GFOD1: variants seen among roughly 807,000 people sequenced by gnomAD.
GFOD1 encodes the protein glucose-fructose oxidoreductase domain-containing protein 1.
Under a neutral mutation model 25.4 loss-of-function variants are expected in GFOD1, and 9 were observed. That is an observed-to-expected ratio of 0.35 (90% CI 0.21 to 0.62). GFOD1 has a LOEUF of 0.62. Among genes scored for constraint, GFOD1 ranks in the 20% least tolerant of loss-of-function variants. The pLI, the probability that GFOD1 is intolerant of heterozygous loss-of-function variation, is 0.72. For missense variants in GFOD1, 403 were observed against 556.9 expected (o/e 0.72, Z 2.78); for synonymous variants, 253 against 245.6 (o/e 1.03, Z -0.28).
intron 1 of GFOD1, among the ~76,000 whole-genome samples, chr6:13,436,159 T>G (rs1290318773): frequency 6.6e-6 from 1 of 152,236 alleles, no homozygotes; most frequent in Non-Finnish European, 1.5e-5. Context: ...TACCTTTGAA[T>G]TTTGAATCAC....
chr6:13,381,911 G>A (rs573676334), intron 1 of GFOD1, among the ~76,000 whole-genome samples: 14 of 91,770 alleles, frequency 1.5e-4, no homozygotes, highest in South Asian at 1.0e-3. Flanking sequence ...ACACACGCGC[G>A]CGCGCACACA....
intron 1 of GFOD1, among the ~76,000 whole-genome samples, chr6:13,465,295 T>C (rs943868649): frequency 3.9e-5 from 6 of 152,198 alleles, no homozygotes; most frequent in Non-Finnish European, 8.8e-5. Context: ...CATTCAGAGC[T>C]ATCCTGGGCC....
intron 1 of GFOD1, among the ~76,000 whole-genome samples, chr6:13,455,853 C>T (rs1323825386): frequency 1.3e-5 from 2 of 152,206 alleles, no homozygotes; most frequent in Admixed American, 6.5e-5. Flanking sequence ...AACTCCCAGT[C>T]GGTCACAGTT....
At chr6:13,470,247 G>A (rs372280847) in intron 1 of GFOD1, 32 of 1,595,318 alleles carry the variant, frequency 2.0e-5, no homozygotes, top group Non-Finnish European at 2.6e-5. Flanking sequence ...GCAATTGCCG[G>A]CTCATGAAGC....
intron 1 of GFOD1, among the ~76,000 whole-genome samples, chr6:13,393,744 T>C (rs557916168): frequency 2.0e-5 from 3 of 151,964 alleles, no homozygotes; most frequent in African/African-American, 4.8e-5. Context: ...TACAAAATAG[T>C]ACATTATTTT....
At chr6:13,385,175 G>A (rs1033854756) in intron 1 of GFOD1, among the ~76,000 whole-genome samples, 1 of 152,124 alleles carries the variant, frequency 6.6e-6, no homozygotes, top group South Asian at 2.1e-4. Flanking sequence ...ATCCAATACT[G>A]GGGCCAGCAG....
Position 13,486,859 on chromosome 6 carries a change from C to G in GFOD1, c.32G>C (p.Ser11Thr). The change falls in exon 1 of 2, where the codon AGC becomes ACC. Residue 11 changes from serine to threonine, a missense_variant. Physicochemically the swap from Ser to Thr is moderately conservative, Grantham distance 58. Coordinates refer to ENST00000379287, the MANE Select transcript of GFOD1 (RefSeq NM_018988.4). MLPGVGVFGTSLTARVIIPLL... is the reference protein window; with the variant it reads MLPGVGVFGTTLTARVIIPLL... ...CGGGATGATGACACGGGCCGTGAGG[C>G]TGGTGCCGAACACGCCCACCCCGGG... is the stretch of plus-strand genomic sequence containing the variant. The G allele has an allele frequency of 2.5e-6, 4 of 1,612,394 alleles. No individual in the cohort carries two copies. The highest frequency in any genetic ancestry group is 3.4e-6 in the Non-Finnish European group (4 of 1,180,002).
At chr6:13,407,663 A>G (rs1785973173) in intron 1 of GFOD1, among the ~76,000 whole-genome samples, 2 of 152,294 alleles carry the variant, frequency 1.3e-5, no homozygotes, top group African/African-American at 4.8e-5. Flanking sequence ...CAAAAGCGGG[A>G]ATGGGGTTTT....
At chr6:13,378,797 G>A (rs1474391721) in intron 1 of GFOD1, among the ~76,000 whole-genome samples, 3 of 152,090 alleles carry the variant, frequency 2.0e-5, no homozygotes, top group East Asian at 1.9e-4. Context: ...GCCTAGGAAC[G>A]CATGTCCTTG....
At chr6:13,457,595 G>C (rs1050237628) in intron 1 of GFOD1, among the ~76,000 whole-genome samples, 3 of 152,218 alleles carry the variant, frequency 2.0e-5, no homozygotes, top group Non-Finnish European at 4.4e-5. Context: ...TGCTTCTCTT[G>C]TGCCAGAGCA....
chr6:13,397,421 C>T (rs1785754433), intron 1 of GFOD1, among the ~76,000 whole-genome samples: 1 of 152,244 alleles, frequency 6.6e-6, no homozygotes, highest in Non-Finnish European at 1.5e-5. Flanking sequence ...AGGACTCGGG[C>T]CTGCCGTGAG....
intron 1 of GFOD1, among the ~76,000 whole-genome samples, chr6:13,441,188 G>A (rs1022111542): frequency 3.3e-5 from 5 of 152,146 alleles, no homozygotes; most frequent in Non-Finnish European, 5.9e-5. Context: ...TCTGGATTCT[G>A]AGACCTCCCT....
chr6:13,389,707 A>G (rs1785545869), intron 1 of GFOD1, among the ~76,000 whole-genome samples: 1 of 152,154 alleles, frequency 6.6e-6, no homozygotes, highest in Non-Finnish European at 1.5e-5. Flanking sequence ...GCACATGTAT[A>G]CCTATGTAAC....
chr6:13,460,016 C>A (rs540039584), intron 1 of GFOD1, among the ~76,000 whole-genome samples: 8 of 152,304 alleles, frequency 5.3e-5, no homozygotes, highest in African/African-American at 1.9e-4. Flanking sequence ...TGCCTGTAAT[C>A]CCAGCTACTG....
At chr6:13,474,273 G>A (rs1758569368) in intron 1 of GFOD1, among the ~76,000 whole-genome samples, 1 of 152,170 alleles carries the variant, frequency 6.6e-6, no homozygotes, top group South Asian at 2.1e-4. Flanking sequence ...CAGCTACTGG[G>A]GAGGCTGAGG....
chr6:13,374,055 G>T lies in GFOD1; in HGVS notation c.254-8393C>A, dbSNP rs966399465. Among the ~76,000 whole-genome samples the T allele has an allele frequency of 3.3e-5, 5 of 152,204 alleles. No individual in the cohort carries two copies. The East Asian group carries it at 7.7e-4, about 24-fold the overall frequency. On this transcript the variant is annotated intron_variant, in intron 1 of 1. Coordinates refer to ENST00000379287, the MANE Select transcript of GFOD1 (RefSeq NM_018988.4). The stretch of plus-strand genomic sequence containing the variant: ...TATTGAGTGCTTACTTTGTGCCAGA[G>T]GAGGCACAATGTATTTTGCATGCAT...
At chr6:13,454,868 AG>A (rs541378514) in intron 1 of GFOD1, among the ~76,000 whole-genome samples, 158 of 152,212 alleles carry the variant, frequency 1.0e-3, no homozygotes, top group Non-Finnish European at 1.9e-3. Context: ...CCAGAGCAAG[AG>A]TTTCGTAGAG....
chr6:13,486,648 G>T lies in GFOD1; in HGVS notation c.243C>A (p.Val81=). 1 of 1,614,064 alleles carries T rather than the reference G, an allele frequency of 6.2e-7. No individual in the cohort carries two copies. The highest frequency in any genetic ancestry group is 8.5e-7 in the Non-Finnish European group (1 of 1,179,962). ...LPPPLTRQIA[V]KTLGIGKNVI... ...GTAGGGGTCGCTCACCTAGGGTTTT[G>T]ACAGCGATCTGTCTGGTGAGGGGCG... The change falls in exon 1 of 2, where the codon GTC becomes GTA. Residue 81 remains valine, a synonymous_variant. Coordinates refer to ENST00000379287, the MANE Select transcript of GFOD1 (RefSeq NM_018988.4).
At chr6:13,373,454 G>A (rs998249607) in intron 1 of GFOD1, among the ~76,000 whole-genome samples, 1 of 152,280 alleles carries the variant, frequency 6.6e-6, no homozygotes, top group African/African-American at 2.4e-5. Context: ...ACAGTTTTCT[G>A]AGAGAGGTTC....
Sources: gnomAD v4.1 joint callset for allele counts (sites outside exome capture counted in the v4.1 genomes callset) on GRCh38, gnomAD v4.1.1 for gene constraint, MANE v1.5 for transcripts, NCBI Gene and HGNC (gene_info 2026-07-23, HGNC 2026-07-21) for gene names.